ODR4: variants seen among roughly 807,000 people sequenced by gnomAD.
ODR4 encodes the protein protein odr-4 homolog.
In ODR4, 47 loss-of-function variants were observed where a neutral mutation model predicts 60.2. The observed-to-expected ratio is 0.78, with a 90% CI of 0.62 to 1.00. The LOEUF is 1.00. ODR4 is among the 50% of genes least tolerant of loss of function. ODR4 has a pLI of 0.00. For missense variants in ODR4, 488 were observed against 530.8 expected (o/e 0.92, Z 0.79); for synonymous variants, 178 against 175.5 (o/e 1.01, Z -0.11).
chr1:186,379,319 T>A (rs1347152382), intron 1 of ODR4, among the ~76,000 whole-genome samples: 1 of 151,748 alleles, frequency 6.6e-6, no homozygotes, highest in Non-Finnish European at 1.5e-5. Flanking sequence ...CGTGAGCCCC[T>A]GTAACCCCAG....
Position 186,389,589 on chromosome 1 carries a change from A to C in ODR4, c.439A>C (p.Ile147Leu), listed in dbSNP as rs1660381592. 2 of 1,539,326 alleles carry C rather than the reference A, an allele frequency of 1.3e-6. No individual in the cohort carries two copies. The highest frequency in any genetic ancestry group is 1.7e-4 in the Middle Eastern group (1 of 5,896). ...TATTTCTGTCCTTAATTAGTGAAGA[A>C]TATTTTGTCGAACTTATGATATCCA... ...TLHICASTKK[I>L]FCRTYDIHDP... Residue 147 changes from isoleucine (I) to leucine (L), a missense_variant and splice_region_variant, in exon 6 of 14, where the codon ATA becomes CTA. Coordinates refer to ENST00000287859, the MANE Select transcript of ODR4 (RefSeq NM_017847.6).
chr1:186,398,283 A>G, intron 9 of ODR4, 30 bp from the exon 10 acceptor site: 4 of 1,539,836 alleles, frequency 2.6e-6, no homozygotes, highest in Non-Finnish European at 3.5e-6. Flanking sequence ...ATTGTTGGTT[A>G]TTAGAACTTA....
intron 9 of ODR4, among the ~76,000 whole-genome samples, chr1:186,397,984 A>G (rs1207093956): frequency 1.3e-5 from 2 of 152,174 alleles, no homozygotes; most frequent in African/African-American, 4.8e-5. Context: ...ATATCTTTTA[A>G]TCATCACAGT....
intron 2 of ODR4, among the ~76,000 whole-genome samples, chr1:186,380,894 T>C (rs1659995335): frequency 6.6e-6 from 1 of 152,240 alleles, no homozygotes; most frequent in African/African-American, 2.4e-5. Context: ...TTTAGTTTTC[T>C]ACATCATTCT....
At chr1:186,414,324 A>G (rs1024557044) in intron 12 of ODR4, among the ~76,000 whole-genome samples, 1 of 152,052 alleles carries the variant, frequency 6.6e-6, no homozygotes, top group Non-Finnish European at 1.5e-5. Context: ...CTAGAGCATG[A>G]TCTTCATATG....
chr1:186,430,522 AC>A, the ODR4 span, among the ~76,000 whole-genome samples: 2 of 152,222 alleles, frequency 1.3e-5, no homozygotes, highest in East Asian at 1.9e-4. Context: ...CCAGATGCCT[AC>A]CCCCATGATT....
At position 186,390,824 on chromosome 1, in the gene ODR4, C is replaced by G. The variant is rs1558069868; in HGVS notation, c.588C>G (p.Val196=). 2 of 1,612,748 alleles carry G rather than the reference C, an allele frequency of 1.2e-6. No homozygotes were observed. Among genetic ancestry groups the G allele is most frequent in the Non-Finnish European group, 1.7e-6 (2 of 1,179,246 alleles). Residue 196 remains valine, a synonymous_variant, in exon 7 of 14, where the codon GTC becomes GTG. Transcript: ENST00000287859. ...ACATCCCACTTTCTGCTACTTCTGTCAGCTATACTCTGGAGAAAAATACAA... is the reference window on the plus strand; with the variant it reads ...ACATCCCACTTTCTGCTACTTCTGTGAGCTATACTCTGGAGAAAAATACAA... The part of the protein sequence containing the change: ...NIHIPLSATS[V]SYTLEKNTKN...
intron 12 of ODR4, among the ~76,000 whole-genome samples, chr1:186,410,599 T>G (rs1201506696): frequency 6.6e-6 from 1 of 152,174 alleles, no homozygotes; most frequent in Non-Finnish European, 1.5e-5. Flanking sequence ...CCATCAAGAT[T>G]AGTGATCAGA....
intron 9 of ODR4, among the ~76,000 whole-genome samples, chr1:186,398,082 T>A (rs1660770658): frequency 6.6e-6 from 1 of 152,138 alleles, no homozygotes; most frequent in Admixed American, 6.5e-5. Context: ...TTAGAAAAAT[T>A]TAGATGTAGT....
chr1:186,379,217 C>G (rs1004417093), intron 1 of ODR4, among the ~76,000 whole-genome samples: 4 of 151,534 alleles, frequency 2.6e-5, no homozygotes, highest in Admixed American at 2.6e-4. Flanking sequence ...CCGAGGCGGG[C>G]GGATCACCTG....
chr1:186,403,956 T>C (rs186632094), intron 11 of ODR4, among the ~76,000 whole-genome samples: 5 of 152,284 alleles, frequency 3.3e-5, no homozygotes, highest in Admixed American at 3.3e-4. Flanking sequence ...TGAATGGCAC[T>C]TCTCCTATCC....
chr1:186,414,876 G>T (rs1661504525), intron 12 of ODR4, among the ~76,000 whole-genome samples: 1 of 152,078 alleles, frequency 6.6e-6, no homozygotes, highest in Admixed American at 6.6e-5. Context: ...GTTTGTTTTT[G>T]TTTTTATTTG....
intron 12 of ODR4, among the ~76,000 whole-genome samples, chr1:186,410,062 A>G (rs1412364089): frequency 6.6e-6 from 1 of 152,230 alleles, no homozygotes; most frequent in East Asian, 1.9e-4. Context: ...GAGTAAGTAG[A>G]GTATTTATCT....
intron 2 of ODR4, among the ~76,000 whole-genome samples, chr1:186,381,386 G>C (rs1449584455): frequency 6.6e-6 from 1 of 151,340 alleles, no homozygotes; most frequent in Non-Finnish European, 1.5e-5. Context: ...GAGTGCAGTG[G>C]CGCAATCTCG....
chr1:186,423,670 G>A (rs1464386962), downstream of ODR4, among the ~76,000 whole-genome samples: 1 of 151,624 alleles, frequency 6.6e-6, no homozygotes, highest in Non-Finnish European at 1.5e-5. Flanking sequence ...GTCCAGGCTG[G>A]TCTTAAACTC....
At chr1:186,432,281 G>A in the ODR4 span, among the ~76,000 whole-genome samples, 2 of 152,068 alleles carry the variant, frequency 1.3e-5, no homozygotes, top group African/African-American at 4.8e-5. Context: ...GATTTGACTT[G>A]CTAATATTTT....
intron 1 of ODR4, among the ~76,000 whole-genome samples, chr1:186,379,424 CAA>C (rs1339090816): frequency 9.1e-6 from 1 of 109,734 alleles, no homozygotes; most frequent in Non-Finnish European, 1.8e-5. Flanking sequence ...GCCTGGGTGA[CAA>C]GAGCAAAACT....
At chr1:186,391,978 A>C (rs1318834032) in intron 8 of ODR4, among the ~76,000 whole-genome samples, 187 bp downstream of exon 8, 1 of 152,240 alleles carries the variant, frequency 6.6e-6, no homozygotes. Context: ...GGCAGAGGAT[A>C]TGAACAGACA....
At chr1:186,385,279 A>G (rs747315232) in intron 3 of ODR4, among the ~76,000 whole-genome samples, 3 of 148,226 alleles carry the variant, frequency 2.0e-5, no homozygotes, top group Non-Finnish European at 4.5e-5. Context: ...TTCAAGTCAG[A>G]CTCCCTCTGT....
Sources: gnomAD v4.1 joint callset for allele counts (sites outside exome capture counted in the v4.1 genomes callset) on GRCh38, gnomAD v4.1.1 for gene constraint, MANE v1.5 for transcripts, NCBI Gene and HGNC (gene_info 2026-07-23, HGNC 2026-07-21) for gene names.